The following PCDH15 variants were observed in gnomAD, a reference collection of about 807,000 sequenced individuals.
PCDH15 encodes the protein protocadherin related 15.
PCDH15 carries 129 observed loss-of-function variants against 178.5 expected under a neutral mutation model. That is an observed-to-expected ratio of 0.72 (90% CI 0.63 to 0.84). The LOEUF (loss-of-function observed/expected upper bound fraction) is 0.84. Ranked by LOEUF, PCDH15 falls within the 40% of genes least tolerant of loss-of-function variation. The pLI is 0.00. For synonymous variants in PCDH15, 800 were observed against 732.0 expected, an observed-to-expected ratio of 1.09 and a Z score of -1.50; for missense variants, 2,230 against 2,099.9, an observed-to-expected ratio of 1.06 and a Z score of -1.21.
At chr10:53,967,484 T>C (rs1321736006) in intron 21 of PCDH15, among the ~76,000 whole-genome samples, 1 of 152,154 alleles carries the variant, frequency 6.6e-6, no homozygotes, top group Admixed American at 6.5e-5. Flanking sequence ...GTTGCCCAGG[T>C]TGGTCCAGAA....
intron 2 of PCDH15, among the ~76,000 whole-genome samples, chr10:54,946,062 A>G (rs1283842556): frequency 6.6e-6 from 1 of 151,814 alleles, no homozygotes; most frequent in Non-Finnish European, 1.5e-5. Context: ...TTAGTAAAAA[A>G]TATGTAGGAA....
intron 3 of PCDH15, among the ~76,000 whole-genome samples, chr10:54,473,649 G>A (rs1422425938): frequency 6.6e-6 from 1 of 151,872 alleles, no homozygotes; most frequent in South Asian, 2.1e-4. Flanking sequence ...AGTTTATTAT[G>A]AGTTCAATTT....
chr10:54,758,479 G>C (rs1398955595), intron 1 of PCDH15, among the ~76,000 whole-genome samples: 1 of 152,280 alleles, frequency 6.6e-6, no homozygotes, highest in East Asian at 1.9e-4. Flanking sequence ...GACTTACAGT[G>C]TTGTAAATGT....
At chr10:55,125,894 C>T (rs2132071458) in intron 2 of PCDH15, among the ~76,000 whole-genome samples, 2 of 152,248 alleles carry the variant, frequency 1.3e-5, no homozygotes, top group South Asian at 4.1e-4. Context: ...ATTTCATGAT[C>T]TTATCCTGGG....
At chr10:54,580,967 C>A (rs1417768361) in intron 2 of PCDH15, among the ~76,000 whole-genome samples, 1 of 151,996 alleles carries the variant, frequency 6.6e-6, no homozygotes, top group Non-Finnish European at 1.5e-5. Flanking sequence ...TAATAAGAGT[C>A]ATCTATGACA....
chr10:55,122,314 G>C (rs987370340), intron 2 of PCDH15, among the ~76,000 whole-genome samples: 2 of 152,160 alleles, frequency 1.3e-5, no homozygotes, highest in African/African-American at 4.8e-5. Flanking sequence ...ATAAGTGTAA[G>C]GAAGTTTAGA....
intron 25 of PCDH15, among the ~76,000 whole-genome samples, chr10:53,934,036 T>C (rs941540558): frequency 6.6e-6 from 1 of 152,222 alleles, no homozygotes; most frequent in Admixed American, 6.5e-5. Flanking sequence ...TTTTTTCTTG[T>C]AAATTTGTTT....
At chr10:54,741,936 A>G (rs1944862345) in intron 1 of PCDH15, among the ~76,000 whole-genome samples, 1 of 152,070 alleles carries the variant, frequency 6.6e-6, no homozygotes, top group South Asian at 2.1e-4. Context: ...ACCATGGGCT[A>G]TAACATATTC....
intron 26 of PCDH15, among the ~76,000 whole-genome samples, chr10:53,886,595 CTTTTTTT>C (rs36171553): frequency 4.1e-5 from 3 of 72,786 alleles, no homozygotes; most frequent in Admixed American, 1.8e-4. Context: ...ATGTATGCCT[CTTTTTTT>C]TTTTTTTTTT....
chr10:54,433,137 C>T (rs1957149498), intron 3 of PCDH15, among the ~76,000 whole-genome samples: 1 of 152,130 alleles, frequency 6.6e-6, no homozygotes, highest in African/African-American at 2.4e-5. Flanking sequence ...TAAATTAGTA[C>T]AACTACTATG....
chr10:55,190,139 A>G (rs1839904296), intron 1 of PCDH15, among the ~76,000 whole-genome samples: 1 of 151,808 alleles, frequency 6.6e-6, no homozygotes, highest in Non-Finnish European at 1.5e-5. Context: ...AAGAATCCAG[A>G]TACATGATAA....
chr10:54,536,997 C>CTTTTT (rs747880795), intron 2 of PCDH15, among the ~76,000 whole-genome samples: 14,217 of 91,810 alleles, frequency 0.15, 1,160 homozygotes, highest in East Asian at 0.25. Flanking sequence ...AATTTGTTTC[C>CTTTTT]TTTTTTTTTT....
intron 2 of PCDH15, among the ~76,000 whole-genome samples, chr10:55,390,457 G>A (rs574741522): frequency 4.6e-5 from 7 of 152,236 alleles, no homozygotes; most frequent in East Asian, 3.9e-4. Context: ...ATATAATGAC[G>A]TTTGATAGCA....
chr10:53,835,225 T>G (rs1309960608), intron 29 of PCDH15, among the ~76,000 whole-genome samples: 2 of 152,214 alleles, frequency 1.3e-5, no homozygotes, highest in Non-Finnish European at 1.5e-5. Flanking sequence ...GGTCTAAGTG[T>G]GTTTTTAAAC....
At chr10:53,878,293 ATATATATAGAC>A in intron 26 of PCDH15, among the ~76,000 whole-genome samples, 1 of 127,062 alleles carries the variant, frequency 7.9e-6, no homozygotes, top group African/African-American at 2.9e-5. Flanking sequence ...CACTTTGAAT[ATATATATAGAC>A]TATATATATT....
At chr10:54,979,484 C>A (rs1839163509) in intron 2 of PCDH15, among the ~76,000 whole-genome samples, 1 of 151,942 alleles carries the variant, frequency 6.6e-6, no homozygotes, top group African/African-American at 2.4e-5. Flanking sequence ...GCCTGGCCAA[C>A]ACAGCAAAGC....
intron 1 of PCDH15, among the ~76,000 whole-genome samples, chr10:54,752,181 T>A (rs1265674646): frequency 6.6e-6 from 1 of 151,996 alleles, no homozygotes; most frequent in South Asian, 2.1e-4. Context: ...TTCAACACCA[T>A]GAAGAATAAA....
chr10:53,821,444 C>G lies in PCDH15; in HGVS notation c.4368-1214G>C, dbSNP rs16937780. 7,520 of 1,012,582 alleles carry G rather than the reference C, an allele frequency of 7.4e-3. 374 individuals are homozygous for G. The African/African-American group carries it at 0.11, about 15-fold the overall frequency. 62.7% of individuals were successfully genotyped at this position (1,012,582 alleles called of 1,614,324 possible). On this transcript the variant is annotated intron_variant, in intron 32 of 37. Transcript: ENST00000644397. ...AACCTATCAATCATATCAGTTTTAA[C>G]TTATTTGTAACAGTCTGCTTTTTTC...
chr10:53,862,055 T>C (rs1410714315), intron 27 of PCDH15, among the ~76,000 whole-genome samples: 1 of 152,130 alleles, frequency 6.6e-6, no homozygotes, highest in East Asian at 1.9e-4. Context: ...CTTGTACTTT[T>C]TTTTTCTTTT....
Sources: gnomAD v4.1 joint callset for allele counts (sites outside exome capture counted in the v4.1 genomes callset) on GRCh38, gnomAD v4.1.1 for gene constraint, MANE v1.5 for transcripts, NCBI Gene and HGNC (gene_info 2026-07-23, HGNC 2026-07-21) for gene names.